The following CMKLR2 variants were observed in gnomAD, a reference collection of about 807,000 sequenced individuals.
CMKLR2 encodes chemerin-like receptor 2.
CMKLR2 carries 18 observed loss-of-function variants against 23.0 expected under a neutral mutation model. That is an observed-to-expected ratio of 0.78 (90% confidence interval 0.54 to 1.16). The LOEUF is 1.16. CMKLR2 is among the 50% of genes most tolerant of loss of function. The probability of loss-of-function intolerance (pLI) is 0.00; values close to 1 mark genes in which losing one functional copy is unlikely to be tolerated. For missense variants in CMKLR2, 401 were observed against 412.7 expected (o/e 0.97, Z 0.25); for synonymous variants, 158 against 158.9 (o/e 0.99, Z 0.05).
intron 1 of CMKLR2, among the ~76,000 whole-genome samples, chr2:206,195,249 T>C (rs948899945): frequency 6.6e-6 from 1 of 152,094 alleles, no homozygotes; most frequent in African/African-American, 2.4e-5. Flanking sequence ...TTGAAATTAG[T>C]CTTTGTTGGA....
rs1412111402 is a variant in CMKLR2 at position 206,176,236 on chromosome 2, C to T, written c.1012G>A (p.Glu338Lys). 6.2e-7 allele frequency: 1 copy of T among 1,614,048 alleles called. No individual in the cohort carries two copies. The highest frequency in any genetic ancestry group is 1.3e-5 in the African/African-American group (1 of 74,936). The stretch of plus-strand genomic sequence containing the variant: ...TTGGTTTCTGAGTTCCTGAGCTGTT[C>T]ACTCACTGTGCCAGAACAGCTGACT... Reference protein sequence around the residue: ...WEVSCSGTVSEQLRNSETKNL... With the variant: ...WEVSCSGTVSKQLRNSETKNL... The change falls in exon 2 of 2, where the codon GAA becomes AAA. Residue 338 changes from glutamate to lysine, a missense_variant. Transcript: ENST00000621141.
Position 206,212,151 on chromosome 2 carries a change from T to G in CMKLR2, c.-29+1156A>C, listed in dbSNP as rs13035815. ...TCTACTTCATTTATTTTTTACATGA[T>G]TATCATTCTGGTTAACATGATCTGT... On this transcript the variant is annotated intron_variant, in intron 1 of 1. Transcript: ENST00000621141. 3.4e-3 allele frequency among the ~76,000 whole-genome samples: 514 copies of G among 152,268 alleles called. 2 individuals carry two copies. Among genetic ancestry groups the G allele is most frequent in the South Asian group, 0.011 (55 of 4,826 alleles).
intron 1 of CMKLR2, among the ~76,000 whole-genome samples, chr2:206,181,059 CTTATTA>C (rs967518690): frequency 2.0e-5 from 3 of 150,036 alleles, no homozygotes; most frequent in African/African-American, 7.4e-5. Context: ...CATGCCCGGA[CTTATTA>C]TTATTATTGA....
chr2:206,214,164 G>GTTTTTTTTTTTTTT (rs1271009931), upstream of CMKLR2, among the ~76,000 whole-genome samples: 1 of 78,864 alleles, frequency 1.3e-5, no homozygotes, highest in Admixed American at 1.9e-4. Context: ...TTAAAGACTT[G>GTTTTTTTTTTTTTT]ATTTTTTTTT....
chr2:206,216,454 G>T (rs147120164), upstream of CMKLR2, among the ~76,000 whole-genome samples: 1 of 152,024 alleles, frequency 6.6e-6, no homozygotes, highest in Non-Finnish European at 1.5e-5. Flanking sequence ...ACTCCATCTC[G>T]AAATAAAAAT....
rs35873870 is a variant in CMKLR2, at chr2:206,210,033, G to A, written c.-29+3274C>T. Reference sequence around the variant, plus strand: ...GACTGGAGGGCAGTGGCATAATCTCGGCTCACTGCAACCTCTGCCTCCCAG... The same window carrying A: ...GACTGGAGGGCAGTGGCATAATCTCAGCTCACTGCAACCTCTGCCTCCCAG... On this transcript the variant is annotated intron_variant, in intron 1 of 1. Transcript: ENST00000621141. 2.5e-4 allele frequency among the ~76,000 whole-genome samples: 37 copies of A among 149,278 alleles called. No individual in the cohort carries two copies. The East Asian group carries it at 6.9e-3, about 28-fold the overall frequency.
At chr2:206,210,433 A>T (rs1689516390) in intron 1 of CMKLR2, among the ~76,000 whole-genome samples, 1 of 150,004 alleles carries the variant, frequency 6.7e-6, no homozygotes, top group South Asian at 2.1e-4. Context: ...GGTCTTTGCT[A>T]TTGTGAATAG....
chr2:206,177,675 C>T (rs1688277112), intron 1 of CMKLR2, among the ~76,000 whole-genome samples: 1 of 152,192 alleles, frequency 6.6e-6, no homozygotes, highest in Non-Finnish European at 1.5e-5. Context: ...GCATGAGCAA[C>T]TATACCCAGC....
Position 206,179,893 on chromosome 2 carries a change from CTG to C in CMKLR2, c.-28-2620_-28-2619del, listed in dbSNP as rs368382313. Among the ~76,000 whole-genome samples the C allele has an allele frequency of 3.3e-5, 5 of 152,228 alleles. No homozygotes were observed. In the South Asian group the frequency reaches 1.0e-3, roughly 32 times the overall value. On this transcript the variant is annotated intron_variant, in intron 1 of 1. Coordinates refer to ENST00000621141, the MANE Select transcript of CMKLR2 (RefSeq NM_001389445.1). ...GTTAGAATAAAGAGGTCAAAACATC[CTG>C]TGTTGCTCACAGGCATCTCAAATTC...
chr2:206,200,995 A>G (rs760086113), intron 1 of CMKLR2, among the ~76,000 whole-genome samples: 15 of 151,954 alleles, frequency 9.9e-5, no homozygotes, highest in Non-Finnish European at 1.8e-4. Context: ...TCTTTCTCCC[A>G]TGTTGGAGTG....
At chr2:206,211,828 C>CTT (rs370176400) in intron 1 of CMKLR2, among the ~76,000 whole-genome samples, 77,695 of 106,056 alleles carry the variant, frequency 0.73, 28,981 homozygotes, top group Non-Finnish European at 0.78. Context: ...ATCTGAGTCA[C>CTT]TTTTTTTTTT....
At chr2:206,208,175 C>A (rs1183294741) in intron 1 of CMKLR2, among the ~76,000 whole-genome samples, 1 of 152,194 alleles carries the variant, frequency 6.6e-6, no homozygotes, top group African/African-American at 2.4e-5. Flanking sequence ...CAGCAAGGAG[C>A]AGAGTGCTCA....
At chr2:206,183,312 T>C (rs1366226652) in intron 1 of CMKLR2, among the ~76,000 whole-genome samples, 1 of 152,110 alleles carries the variant, frequency 6.6e-6, no homozygotes, top group Non-Finnish European at 1.5e-5. Flanking sequence ...CTAACCACTA[T>C]CCTCACCAAA....
At chr2:206,202,779 G>A (rs16838070) in intron 1 of CMKLR2, among the ~76,000 whole-genome samples, 34,601 of 151,694 alleles carry the variant, frequency 0.23, 4,199 homozygotes, top group Admixed American at 0.3. Flanking sequence ...CAAAAGAGGA[G>A]AACTCTGCTC....
In CMKLR2 at chr2:206,176,832, A is replaced by G. The variant is rs140764131; in HGVS notation, c.416T>C (p.Leu139Ser). The change falls in exon 2 of 2, where the codon TTG becomes TCG. Residue 139 changes from leucine to serine, a missense_variant. Transcript: ENST00000621141. The part of the protein sequence containing the change: ...TVISLDHYIH[L>S]IHPVLSHRHR... ...CCGATGAGATAAGACAGGATGGATC[A>G]AGTGGATATAGTGGTCCAGGCTGAT... The G allele has an allele frequency of 3.7e-6, 6 of 1,614,066 alleles. No homozygotes were observed. The African/African-American group carries it at 8.0e-5, about 22-fold the overall frequency.
At chr2:206,196,760 C>G (rs1688935628) in intron 1 of CMKLR2, among the ~76,000 whole-genome samples, 1 of 152,144 alleles carries the variant, frequency 6.6e-6, no homozygotes, top group Non-Finnish European at 1.5e-5. Flanking sequence ...CTGCTCTGTT[C>G]CTCGGGCTGG....
chr2:206,203,729 A>G (rs1689201424), intron 1 of CMKLR2: 2 of 152,184 alleles, frequency 1.3e-5, no homozygotes, highest in Admixed American at 1.3e-4. Context: ...GAACTAATGA[A>G]TGTGAGGGGC....
intron 1 of CMKLR2, among the ~76,000 whole-genome samples, chr2:206,196,347 C>A (rs1300745118): frequency 6.6e-6 from 1 of 151,802 alleles, no homozygotes; most frequent in Non-Finnish European, 1.5e-5. Flanking sequence ...GCATTCCAGC[C>A]TAGGCGACAG....
intron 1 of CMKLR2, among the ~76,000 whole-genome samples, chr2:206,200,379 C>T (rs1217144404): frequency 4.6e-5 from 7 of 151,952 alleles, no homozygotes; most frequent in Non-Finnish European, 1.0e-4. Context: ...GCCGAGATGG[C>T]GCCATTGCAC....
Sources: allele counts gnomAD v4.1 joint callset (sites outside exome capture counted in the v4.1 genomes callset), GRCh38; gene constraint gnomAD v4.1.1; transcripts MANE v1.5; gene names NCBI Gene and HGNC (gene_info 2026-07-23, HGNC 2026-07-21).